The following SPATA31E1 variants were observed in gnomAD, a reference collection of about 807,000 sequenced individuals.
SPATA31E1 encodes the protein spermatogenesis-associated protein 31E1.
In SPATA31E1, 7 loss-of-function variants were observed where a neutral mutation model predicts 12.9. That is an observed-to-expected ratio of 0.54 (90% CI 0.31 to 1.02). SPATA31E1 has a LOEUF of 1.02. Among genes scored for constraint, SPATA31E1 ranks in the 50% least tolerant of loss-of-function variants. The pLI, the probability that SPATA31E1 is intolerant of heterozygous loss-of-function variation, is 0.05. For synonymous variants in SPATA31E1, 771 were observed against 719.0 expected, an observed-to-expected ratio of 1.07 and a Z score of -1.16; for missense variants, 1,961 against 1,799.8, an observed-to-expected ratio of 1.09 and a Z score of -1.62.
At position 87,887,537 on chromosome 9, in the gene SPATA31E1, T is replaced by G; in HGVS notation, c.3050T>G (p.Leu1017Arg). 1 of 1,614,076 alleles carries G rather than the reference T, an allele frequency of 6.2e-7. No homozygotes were observed. Among genetic ancestry groups the G allele is most frequent in the Non-Finnish European group, 8.5e-7 (1 of 1,180,032 alleles). Residue 1017 changes from leucine (L) to arginine (R), a missense_variant, in exon 4 of 4, where the codon CTG (leucine) becomes CGG (arginine). Leu to Arg is a moderately radical substitution (Grantham distance 102). Transcript: ENST00000325643. ...SPGDPCSSRA[L>R]QVLSIGSQWA... is the part of the protein sequence containing the mutation. ...GGAGACCCCTGTAGTAGCAGAGCCC[T>G]GCAAGTGCTCAGCATAGGGTCCCAG...
In SPATA31E1 at chr9:87,888,331, C is replaced by G; in HGVS notation, c.3844C>G (p.Arg1282Gly). 1 of 1,614,174 alleles carries G rather than the reference C, an allele frequency of 6.2e-7. No individual in the cohort carries two copies. Among genetic ancestry groups the G allele is most frequent in the Non-Finnish European group, 8.5e-7 (1 of 1,180,026 alleles). Residue 1282 changes from arginine (R) to glycine (G), a missense_variant, in exon 4 of 4, where the codon CGG (arginine) becomes GGG (glycine). Physicochemically the swap from Arg to Gly is moderately radical, Grantham distance 125. Coordinates refer to ENST00000325643, the MANE Select transcript of SPATA31E1 (RefSeq NM_178828.5). ...TCTACACCCCAGGAAAGGAGGCACA[C>G]GGTGGGAAGATGTCCTGCAGAAAGG... ...QGLHPRKGGT[R>G]WEDVLQKGKP...
At chr9:87,883,301 GA>G in intron 1 of SPATA31E1, 101 bp downstream of exon 1, 1 of 1,462,472 alleles carries the variant, frequency 6.8e-7, no homozygotes, top group Non-Finnish European at 9.3e-7. Flanking sequence ...TCTGTGATGG[GA>G]AATCTCGTCA....
rs140696105 is a variant in SPATA31E1 at position 87,886,568 on chromosome 9, C to T, written c.2081C>T (p.Thr694Ile). The T allele has an allele frequency of 6.0e-5, 97 of 1,614,054 alleles. No individual in the cohort carries two copies. In the East Asian group the frequency reaches 2.1e-3, roughly 34 times the overall value. Reference protein sequence around the residue: ...AGKGRKDVQKTGFRSSGRFSD... With the variant: ...AGKGRKDVQKIGFRSSGRFSD... Reference sequence around the variant, plus strand: ...AAGGGCAGGAAGGATGTGCAGAAGACCGGGTTCAGGAGCTCCGGAAGGTTC... The same window carrying T: ...AAGGGCAGGAAGGATGTGCAGAAGATCGGGTTCAGGAGCTCCGGAAGGTTC... The change falls in exon 4 of 4, where the codon ACC (threonine) becomes ATC (isoleucine). Residue 694 changes from threonine to isoleucine, a missense_variant. Coordinates refer to ENST00000325643, the MANE Select transcript of SPATA31E1 (RefSeq NM_178828.5).
intron 1 of SPATA31E1, 101 bp downstream of exon 1, chr9:87,883,301 G>A: frequency 1.4e-6 from 2 of 1,462,472 alleles, no homozygotes; most frequent in Non-Finnish European, 9.3e-7. Context: ...TCTGTGATGG[G>A]AAATCTCGTC....
chr9:87,886,123 G>A lies in SPATA31E1; in HGVS notation c.1636G>A (p.Gly546Arg), dbSNP rs757724889. ...TTCTCCACCCCAGATTAGGGGCTGT[G>A]GGGCATCTTACCCTACATCCCAGGA... is the stretch of plus-strand genomic sequence containing the variant. ...CSSPPQIRGC[G>R]ASYPTSQERT... The change falls in exon 4 of 4, where the codon GGG (glycine) becomes AGG (arginine). Residue 546 changes from glycine (G) to arginine (R), a missense_variant. Coordinates refer to ENST00000325643, the MANE Select transcript of SPATA31E1 (RefSeq NM_178828.5). 6.2e-7 allele frequency: 1 copy of A among 1,603,252 alleles called. No individual in the cohort carries two copies. Among genetic ancestry groups the A allele is most frequent in the Non-Finnish European group, 8.5e-7 (1 of 1,173,606 alleles).
chr9:87,883,230 G>C, intron 1 of SPATA31E1, 30 bp downstream of exon 1: 1 of 1,544,150 alleles, frequency 6.5e-7, no homozygotes, highest in Non-Finnish European at 8.8e-7. Context: ...GCCCCACAGA[G>C]AAAGATTCTC....
chr9:87,888,018 T>C lies in SPATA31E1; in HGVS notation c.3531T>C (p.Ser1177=), dbSNP rs144542091. The change falls in exon 4 of 4, where the codon AGT becomes AGC. Residue 1177 remains serine, a synonymous_variant. Coordinates refer to ENST00000325643, the MANE Select transcript of SPATA31E1 (RefSeq NM_178828.5). ...CCCTCCTATGGAAGGGAGGGGACAG[T>C]CCAGGGCAGCAGGAGCCTGGGAGCC... The part of the protein sequence containing the change: ...PCALLWKGGD[S]PGQQEPGSPK... 1.1e-5 allele frequency: 17 copies of C among 1,612,624 alleles called. No homozygotes were observed. In the African/African-American group the frequency reaches 2.3e-4, roughly 22 times the overall value.
In SPATA31E1 at chr9:87,886,013, C is replaced by G. The variant is rs370293942; in HGVS notation, c.1526C>G (p.Ala509Gly). 24 of 1,612,766 alleles carry G rather than the reference C, an allele frequency of 1.5e-5. No homozygotes were observed. Among genetic ancestry groups the G allele is most frequent in the Middle Eastern group, 1.6e-4 (1 of 6,082 alleles). The change falls in exon 4 of 4, where the codon GCC becomes GGC. Residue 509 changes from alanine to glycine, a missense_variant. Transcript: ENST00000325643. ...GCCCAGCCCCAACATTTCACTCCAG[C>G]CTGGCCCCAGTCCCAGCCCCCACCT... is the stretch of plus-strand genomic sequence containing the variant. Reference protein sequence around the residue: ...HMAQPQHFTPAWPQSQPPPLA... With the variant: ...HMAQPQHFTPGWPQSQPPPLA...
chr9:87,884,060 GC>G lies in SPATA31E1; in HGVS notation c.364+20del. The G allele has an allele frequency of 3.8e-6, 6 of 1,589,820 alleles. No individual in the cohort carries two copies. Among genetic ancestry groups the G allele is most frequent in the Admixed American group, 1.7e-5 (1 of 57,958 alleles). ...CAGCTCTGAAAGGTGAGGCTCTGCT[GC>G]CCCCCGGGACTCCCCAGAGGTAACT... On this transcript the variant is annotated intron_variant, in intron 2 of 3. Transcript: ENST00000325643.
intron 1 of SPATA31E1, among the ~76,000 whole-genome samples, chr9:87,883,411 C>T (rs546378715): frequency 6.6e-6 from 1 of 152,128 alleles, no homozygotes; most frequent in Non-Finnish European, 1.5e-5. Flanking sequence ...AGGGCAAAAA[C>T]CAACACTGGA....
Position 87,885,625 on chromosome 9 carries a change from GAGAA to G in SPATA31E1, c.1148_1151del (p.Arg383AsnfsTer8), listed in dbSNP as rs756146871. ...GAGAGCACTGATGAAGATGTGGCAGGAGAAAGAAAGAAAACGGGCCGACCACCCG... is the reference window on the plus strand; with the variant it reads ...GAGAGCACTGATGAAGATGTGGCAGGAGAAAGAAAACGGGCCGACCACCCG... On this transcript the variant is annotated frameshift_variant, in exon 4 of 4. Transcript: ENST00000325643. LOFTEE classifies it low-confidence loss of function (END_TRUNC). 3.1e-6 allele frequency: 5 copies of G among 1,613,982 alleles called. No homozygotes were observed. Among genetic ancestry groups the G allele is most frequent in the East Asian group, 2.2e-5 (1 of 44,854 alleles).
rs1311060728 is a variant in SPATA31E1, at chr9:87,886,707, A to C, written c.2220A>C (p.Leu740Phe). 7 of 1,613,858 alleles carry C rather than the reference A, an allele frequency of 4.3e-6. No homozygotes were observed. Among genetic ancestry groups the C allele is most frequent in the Non-Finnish European group, 5.9e-6 (7 of 1,180,036 alleles). The stretch of plus-strand genomic sequence containing the variant: ...AAGACAAGGAGGCAGAAGGTGACTT[A>C]CGGAGGTCCTGGAAGTACCAATCAG... ...LDEDKEAEGD[L>F]RRSWKYQSVS... Residue 740 changes from leucine (L) to phenylalanine (F), a missense_variant, in exon 4 of 4, where the codon TTA becomes TTC. Coordinates refer to ENST00000325643, the MANE Select transcript of SPATA31E1 (RefSeq NM_178828.5).
At position 87,885,015 on chromosome 9, in the gene SPATA31E1, G is replaced by T. The variant is rs761104251; in HGVS notation, c.528G>T (p.Pro176=). The T allele has an allele frequency of 6.2e-6, 10 of 1,614,084 alleles. No individual in the cohort carries two copies. In the South Asian group the frequency reaches 1.1e-4, roughly 18 times the overall value. ...CKPVPAKAHQ[P]HGKCMQDPSP... ...CAGTGCCTGCTAAGGCCCACCAGCC[G>T]CATGGGAAATGCATGCAAGATCCGT... The change falls in exon 4 of 4, where the codon CCG becomes CCT. Residue 176 remains proline, a synonymous_variant. Coordinates refer to ENST00000325643, the MANE Select transcript of SPATA31E1 (RefSeq NM_178828.5).
chr9:87,884,030 G>T lies in SPATA31E1; in HGVS notation c.348G>T (p.Lys116Asn). The T allele has an allele frequency of 6.8e-6, 11 of 1,605,892 alleles. No individual in the cohort carries two copies. The highest frequency in any genetic ancestry group is 1.7e-4 in the Middle Eastern group (1 of 6,050). ...RERSGRSRSRKISALKACRIL... is the reference protein window; with the variant it reads ...RERSGRSRSRNISALKACRIL... ...GAAGCGGGAGGTCCAGGAGCAGGAAGATCTCAGCTCTGAAAGGTGAGGCTC... is the reference window on the plus strand; with the variant it reads ...GAAGCGGGAGGTCCAGGAGCAGGAATATCTCAGCTCTGAAAGGTGAGGCTC... The change falls in exon 2 of 4, where the codon AAG becomes AAT. Residue 116 changes from lysine to asparagine, a missense_variant. Coordinates refer to ENST00000325643, the MANE Select transcript of SPATA31E1 (RefSeq NM_178828.5).
In SPATA31E1 at chr9:87,887,302, T is replaced by A. The variant is rs371489269; in HGVS notation, c.2815T>A (p.Ser939Thr). 1 of 1,613,414 alleles carries A rather than the reference T, an allele frequency of 6.2e-7. No homozygotes were observed. Among genetic ancestry groups the A allele is most frequent in the South Asian group, 1.1e-5 (1 of 91,022 alleles). Residue 939 changes from serine to threonine, a missense_variant, in exon 4 of 4, where the codon TCA becomes ACA. Transcript: ENST00000325643. ...GVQRPPRGSQ[S>T]ADTHGRSEAF... is the part of the protein sequence containing the mutation. The stretch of plus-strand genomic sequence containing the variant: ...CCAGAGGCCCCCGAGAGGGTCCCAG[T>A]CAGCTGATACCCATGGGCGATCAGA...
In SPATA31E1 at chr9:87,888,199, G is replaced by C; in HGVS notation, c.3712G>C (p.Glu1238Gln). The C allele has an allele frequency of 3.1e-6, 5 of 1,613,824 alleles. No individual in the cohort carries two copies. Among genetic ancestry groups the C allele is most frequent in the Non-Finnish European group, 4.2e-6 (5 of 1,180,012 alleles). The change falls in exon 4 of 4, where the codon GAA becomes CAA. Residue 1238 changes from glutamate (E) to glutamine (Q), a missense_variant. Coordinates refer to ENST00000325643, the MANE Select transcript of SPATA31E1 (RefSeq NM_178828.5). ...SGRSHPAQAR[E>Q]IGDKQERKYN... ...GAGGAGCCACCCTGCCCAAGCCAGG[G>C]AAATAGGAGACAAACAAGAAAGGAA...
chr9:87,887,603 G>T lies in SPATA31E1; in HGVS notation c.3116G>T (p.Gly1039Val). ...GATGCCCTGCAGGCACTGAAAGTGG[G>T]GGAGAAGCCCCCAACTTGGGAAGTC... ...AEDALQALKV[G>V]EKPPTWEVTL... The change falls in exon 4 of 4, where the codon GGG becomes GTG. Residue 1039 changes from glycine to valine, a missense_variant. Coordinates refer to ENST00000325643, the MANE Select transcript of SPATA31E1 (RefSeq NM_178828.5). 1 of 1,614,166 alleles carries T rather than the reference G, an allele frequency of 6.2e-7. No homozygotes were observed. Among genetic ancestry groups the T allele is most frequent in the Non-Finnish European group, 8.5e-7 (1 of 1,180,026 alleles).
In SPATA31E1 at chr9:87,887,861, C is replaced by T; in HGVS notation, c.3374C>T (p.Ala1125Val). The change falls in exon 4 of 4, where the codon GCC (alanine) becomes GTC (valine). Residue 1125 changes from alanine to valine, a missense_variant. Coordinates refer to ENST00000325643, the MANE Select transcript of SPATA31E1 (RefSeq NM_178828.5). ...CCGGGCATCCTCCTCCAGGACGGCG[C>T]CACAGGCCTGTGCCTTCCAGGCCGC... ...RAPGILLQDG[A>V]TGLCLPGRHM... 1 of 1,613,824 alleles carries T rather than the reference C, an allele frequency of 6.2e-7. No individual in the cohort carries two copies. Among genetic ancestry groups the T allele is most frequent in the South Asian group, 1.1e-5 (1 of 91,088 alleles).
Position 87,888,229 on chromosome 9 carries a change from A to G in SPATA31E1, c.3742A>G (p.Asn1248Asp), listed in dbSNP as rs546006233. The change falls in exon 4 of 4, where the codon AAC becomes GAC. Residue 1248 changes from asparagine (N) to aspartate (D), a missense_variant. By Grantham distance (23) the Asn-to-Asp change is conservative. Transcript: ENST00000325643. Reference protein sequence around the residue: ...EIGDKQERKYNQLQLEKGQTP... With the variant: ...EIGDKQERKYDQLQLEKGQTP... Reference sequence around the variant, plus strand: ...AGGAGACAAACAAGAAAGGAAATACAACCAGCTTCAGCTGGAGAAGGGACA... The same window carrying G: ...AGGAGACAAACAAGAAAGGAAATACGACCAGCTTCAGCTGGAGAAGGGACA... The G allele has an allele frequency of 3.1e-6, 5 of 1,614,034 alleles. No individual in the cohort carries two copies. Among genetic ancestry groups the G allele is most frequent in the African/African-American group, 1.3e-5 (1 of 75,048 alleles).
Sources: gnomAD v4.1 joint callset for allele counts (sites outside exome capture counted in the v4.1 genomes callset) on GRCh38, gnomAD v4.1.1 for gene constraint, MANE v1.5 for transcripts, NCBI Gene and HGNC (gene_info 2026-07-23, HGNC 2026-07-21) for gene names.